The following FMN2 variants were observed in gnomAD, a reference collection of about 807,000 sequenced individuals.
The protein encoded by FMN2 is formin-2.
Under a neutral mutation model 142.3 loss-of-function variants are expected in FMN2, and 51 were observed. That is an observed-to-expected ratio of 0.36 (90% confidence interval 0.29 to 0.45). The LOEUF (loss-of-function observed/expected upper bound fraction) is 0.45. Among genes scored for constraint, FMN2 ranks in the 20% least tolerant of loss-of-function variants. The probability of loss-of-function intolerance (pLI) is 1.00; values close to 1 mark genes in which losing one functional copy is unlikely to be tolerated. For synonymous variants in FMN2, 882 were observed against 869.8 expected (o/e 1.01, Z -0.25); for missense variants, 1,936 against 2,122.8 (o/e 0.91, Z 1.73).
At chr1:240,099,983 G>A (rs183873931) in intron 1 of FMN2, among the ~76,000 whole-genome samples, 77 of 152,184 alleles carry the variant, frequency 5.1e-4, no homozygotes, top group Non-Finnish European at 9.1e-4. Flanking sequence ...GTAAAGCACC[G>A]ACTGTACTGA....
intron 11 of FMN2, among the ~76,000 whole-genome samples, chr1:240,333,222 T>G (rs12063626): frequency 0.022 from 3,379 of 152,218 alleles, 122 homozygotes; most frequent in African/African-American, 0.077. Context: ...AAAAGGTATT[T>G]TTGAAGTGTG....
At chr1:240,173,458 C>T (rs1664791968) in intron 2 of FMN2, among the ~76,000 whole-genome samples, 1 of 152,098 alleles carries the variant, frequency 6.6e-6, no homozygotes, top group Admixed American at 6.6e-5. Context: ...TCAGGAGTGG[C>T]CTTTCAGCAG....
At chr1:240,429,880 TTTTGTTTTTTTTTTG>T (rs1558486597) in intron 15 of FMN2, among the ~76,000 whole-genome samples, 1 of 144,286 alleles carries the variant, frequency 6.9e-6, no homozygotes, top group African/African-American at 2.9e-5. Flanking sequence ...TTTTGTTTTT[TTTTGTTTTTTTTTTG>T]TTTTTTTTGA....
At chr1:240,205,297 G>A (rs920715522) in intron 4 of FMN2, among the ~76,000 whole-genome samples, 3 of 152,100 alleles carry the variant, frequency 2.0e-5, no homozygotes, top group Admixed American at 6.5e-5. Flanking sequence ...ATCTGTATGA[G>A]CAGTAATTAA....
chr1:240,189,253 C>T (rs1036579818), intron 4 of FMN2, among the ~76,000 whole-genome samples: 2 of 151,356 alleles, frequency 1.3e-5, no homozygotes, highest in Non-Finnish European at 2.9e-5. Flanking sequence ...GATATAAAAC[C>T]ATTGCTTACA....
chr1:240,332,016 C>T lies in FMN2; in HGVS notation c.4584+1267C>T, dbSNP rs12034579. The stretch of plus-strand genomic sequence containing the variant: ...AATTGTAAGATGAAGCATCGGGAGT[C>T]GGAGACTGTGTCTCTGTGTACGTGT... On this transcript the variant is annotated intron_variant, in intron 11 of 17. Coordinates refer to ENST00000319653, the MANE Select transcript of FMN2 (RefSeq NM_020066.5). Among the ~76,000 whole-genome samples, 33 of 152,156 alleles carry T rather than the reference C, an allele frequency of 2.2e-4. No homozygotes were observed. The East Asian group carries it at 5.6e-3, about 26-fold the overall frequency.
At chr1:240,344,922 A>G (rs1558444281) in intron 13 of FMN2, among the ~76,000 whole-genome samples, 1 of 152,234 alleles carries the variant, frequency 6.6e-6, no homozygotes, top group South Asian at 2.1e-4. Context: ...ATGCAAAGCC[A>G]TGAGATTCTG....
At chr1:240,436,602 G>A (rs906750685) in intron 15 of FMN2, among the ~76,000 whole-genome samples, 6 of 151,934 alleles carry the variant, frequency 3.9e-5, no homozygotes, top group Non-Finnish European at 7.4e-5. Context: ...GCTTGTACCC[G>A]GGAAGTGGAG....
At chr1:240,160,347 G>T (rs972824888) in intron 2 of FMN2, among the ~76,000 whole-genome samples, 1 of 151,430 alleles carries the variant, frequency 6.6e-6, no homozygotes, top group East Asian at 1.9e-4. Context: ...ATGCAAGGCT[G>T]GTTTAATATT....
chr1:240,438,300 A>G lies in FMN2; in HGVS notation c.5060+90A>G, dbSNP rs375601468. 6.6e-6 allele frequency: 9 copies of G among 1,370,504 alleles called. No individual in the cohort carries two copies. The African/African-American group carries it at 1.3e-4, about 20-fold the overall frequency. The allele number at this position is 1,370,504 out of a possible 1,614,324, so 84.9% of individuals were successfully genotyped here. A position where few individuals can be genotyped will look rare whatever the true frequency, so the allele number is the denominator to read the frequency against. The stretch of plus-strand genomic sequence containing the variant: ...GGTTGCCAATTTTCGTAGCCTGAAG[A>G]AAAAATTAGATGGCCCTCAACCCGG... On this transcript the variant is annotated intron_variant, in intron 16 of 17. Transcript: ENST00000319653.
chr1:240,431,054 A>G lies in FMN2; in HGVS notation c.4911-7007A>G, dbSNP rs563251252. 2.6e-4 allele frequency among the ~76,000 whole-genome samples: 40 copies of G among 151,346 alleles called. 1 individual carries two copies. Among genetic ancestry groups the G allele is most frequent in the African/African-American group, 8.2e-4 (34 of 41,298 alleles). Reference sequence around the variant, plus strand: ...CAATTTGGGGCAAATGGATGTTAACATTACTGAATCTTTCAGCCCAAGAAT... The same window carrying G: ...CAATTTGGGGCAAATGGATGTTAACGTTACTGAATCTTTCAGCCCAAGAAT... On this transcript the variant is annotated intron_variant, in intron 15 of 17. Coordinates refer to ENST00000319653, the MANE Select transcript of FMN2 (RefSeq NM_020066.5).
At position 240,427,956 on chromosome 1, in the gene FMN2, TCA is replaced by T. The variant is rs545259476; in HGVS notation, c.4911-10104_4911-10103del. Among the ~76,000 whole-genome samples, 234 of 152,344 alleles carry T rather than the reference TCA, an allele frequency of 1.5e-3. 1 individual carries two copies. The highest frequency in any genetic ancestry group is 4.9e-3 in the African/African-American group (203 of 41,580). Reference sequence around the variant, plus strand: ...AAAATGGTGACTTTTTATTTTGTTCTCAGTTATTCCGTGAAATACTTTTTCTT... The same window carrying T: ...AAAATGGTGACTTTTTATTTTGTTCTGTTATTCCGTGAAATACTTTTTCTT... On this transcript the variant is annotated intron_variant, in intron 15 of 17. Coordinates refer to ENST00000319653, the MANE Select transcript of FMN2 (RefSeq NM_020066.5).
chr1:240,250,100 T>C (rs1210719971), intron 6 of FMN2, among the ~76,000 whole-genome samples: 1 of 152,182 alleles, frequency 6.6e-6, no homozygotes, highest in Non-Finnish European at 1.5e-5. Flanking sequence ...CTGATTTCTC[T>C]GGCTAGGAAT....
chr1:240,392,467 A>C (rs751691835), intron 14 of FMN2, 44 bp from the exon 15 acceptor site: 1 of 1,545,046 alleles, frequency 6.5e-7, no homozygotes, highest in Non-Finnish European at 8.9e-7. Context: ...TAGTGTAACA[A>C]CTTATCATTT....
At chr1:240,433,026 A>G (rs1320030867) in intron 15 of FMN2, among the ~76,000 whole-genome samples, 1 of 152,284 alleles carries the variant, frequency 6.6e-6, no homozygotes, top group East Asian at 1.9e-4. Flanking sequence ...TGATATTTTA[A>G]TCTAGTTCTC....
chr1:240,416,548 G>A (rs1421604331), intron 15 of FMN2, among the ~76,000 whole-genome samples: 1 of 152,138 alleles, frequency 6.6e-6, no homozygotes, highest in African/African-American at 2.4e-5. Flanking sequence ...GGGATTACAG[G>A]CGTGAGCCAC....
At chr1:240,292,360 G>C (rs1669824626) in intron 7 of FMN2, among the ~76,000 whole-genome samples, 1 of 152,160 alleles carries the variant, frequency 6.6e-6, no homozygotes, top group Non-Finnish European at 1.5e-5. Context: ...GTCATTCTTA[G>C]CATGATCTAG....
rs113540216 is a variant in FMN2 at position 240,396,443 on chromosome 1, C to CT, written c.4910+3893dup. Among the ~76,000 whole-genome samples, 1,051 of 144,466 alleles carry CT rather than the reference C, an allele frequency of 7.3e-3. 14 individuals carry two copies. The highest frequency in any genetic ancestry group is 0.024 in the African/African-American group (934 of 39,574). The allele number at this position is 144,466 out of a possible 152,430, so 94.8% of individuals were successfully genotyped here. On this transcript the variant is annotated intron_variant, in intron 15 of 17. Transcript: ENST00000319653. ...TTCTGGTAGGAGTTGATGTTGCAATCTTTTTTTTTTTTCTCTTTATAAATT... is the reference window on the plus strand; with the variant it reads ...TTCTGGTAGGAGTTGATGTTGCAATCTTTTTTTTTTTTTCTCTTTATAAATT...
At chr1:240,388,032 G>A (rs964998449) in intron 14 of FMN2, among the ~76,000 whole-genome samples, 18 of 151,576 alleles carry the variant, frequency 1.2e-4, no homozygotes, top group African/African-American at 4.4e-4. Flanking sequence ...AAAAAATTAA[G>A]CCAGGCGTGG....
Sources: gnomAD v4.1 joint callset for allele counts (sites outside exome capture counted in the v4.1 genomes callset) on GRCh38, gnomAD v4.1.1 for gene constraint, MANE v1.5 for transcripts, NCBI Gene and HGNC (gene_info 2026-07-23, HGNC 2026-07-21) for gene names.